Variants in GAK observed in about 807,000 individuals in gnomAD.
GAK encodes cyclin G associated kinase, also known as cyclin-G-associated kinase.
A neutral mutation model predicts 143.9 loss-of-function variants in GAK; 79 were observed. The observed-to-expected ratio is 0.55, with a 90% CI of 0.46 to 0.66. The LOEUF (loss-of-function observed/expected upper bound fraction) is 0.66. GAK is among the 30% of genes least tolerant of loss of function. The pLI is 0.00. For synonymous variants in GAK, 881 were observed against 765.5 expected, an observed-to-expected ratio of 1.15 and a Z score of -2.49; for missense variants, 1,693 against 1,779.7, an observed-to-expected ratio of 0.95 and a Z score of 0.88.
At chr4:860,367 G>A (rs913195962) in intron 23 of GAK, among the ~76,000 whole-genome samples, 4 of 150,804 alleles carry the variant, frequency 2.7e-5, no homozygotes, top group Non-Finnish European at 5.9e-5. Flanking sequence ...AAAAACCGTG[G>A]TAGAGCTACT....
chr4:920,501 A>C (rs1723737908), intron 1 of GAK, among the ~76,000 whole-genome samples: 1 of 151,194 alleles, frequency 6.6e-6, no homozygotes, highest in Non-Finnish European at 1.5e-5. Context: ...GAATATTGCG[A>C]CATTATTCTA....
intron 11 of GAK, among the ~76,000 whole-genome samples, chr4:885,066 G>C (rs1473619687): frequency 6.6e-6 from 1 of 151,956 alleles, no homozygotes; most frequent in African/African-American, 2.4e-5. Flanking sequence ...CACCGAGCAG[G>C]TGCTGACTCA....
At chr4:889,111 T>G in intron 10 of GAK, 141 bp from the exon 11 acceptor site, 1 of 1,109,672 alleles carries the variant, frequency 9.0e-7, no homozygotes, top group African/African-American at 1.6e-5. Context: ...TGCAGGTTGC[T>G]GGCTGGGCCC....
intron 23 of GAK, among the ~76,000 whole-genome samples, chr4:863,728 G>T (rs575990319): frequency 1.3e-5 from 2 of 152,196 alleles, no homozygotes; most frequent in Non-Finnish European, 2.9e-5. Flanking sequence ...GCTATTGCAC[G>T]CTTAACAGAC....
intron 24 of GAK, among the ~76,000 whole-genome samples, chr4:857,230 G>A (rs538484301): frequency 3.4e-4 from 52 of 152,158 alleles, no homozygotes; most frequent in Non-Finnish European, 6.5e-4. Flanking sequence ...CTGAAGTTTG[G>A]TTGAGGATCT....
intron 25 of GAK, chr4:851,384 CA>C: frequency 2.1e-6 from 1 of 465,630 alleles, no homozygotes; most frequent in Non-Finnish European, 3.9e-6. Context: ...GCGTGAGCCA[CA>C]AAGCCCAGTT....
In GAK at chr4:856,849, T is replaced by A. The variant is rs902541353; in HGVS notation, c.3283+2757A>T. 3.3e-5 allele frequency among the ~76,000 whole-genome samples: 5 copies of A among 152,238 alleles called. No homozygotes were observed. In the East Asian group the frequency reaches 7.7e-4, roughly 23 times the overall value. ...CGTTGGCCTCCCAGAGCACTGGGGT[T>A]ACGGTGTGAGCCACTCCGCCTGGCC... On this transcript the variant is annotated intron_variant, in intron 24 of 27. Transcript: ENST00000314167.
At chr4:850,797 G>A (rs566842422) in intron 26 of GAK, 139 bp downstream of exon 26, 37 of 930,694 alleles carry the variant, frequency 4.0e-5, no homozygotes, top group South Asian at 3.9e-4. Context: ...TGGAGACGCC[G>A]GCTCCATGTG....
intron 18 of GAK, among the ~76,000 whole-genome samples, chr4:874,857 G>T (rs1713510636): frequency 6.6e-6 from 1 of 152,108 alleles, no homozygotes; most frequent in Non-Finnish European, 1.5e-5. Flanking sequence ...TCTCTCTCGT[G>T]ACCCTCTCTG....
At chr4:919,304 G>C (rs1723560302) in intron 1 of GAK, among the ~76,000 whole-genome samples, 1 of 148,346 alleles carries the variant, frequency 6.7e-6, no homozygotes, top group East Asian at 2.0e-4. Context: ...AAGACAGAAG[G>C]CTCCAAAGGC....
At chr4:862,024 TGCA>T (rs1442973851) in intron 23 of GAK, among the ~76,000 whole-genome samples, 2 of 152,242 alleles carry the variant, frequency 1.3e-5, no homozygotes, top group African/African-American at 4.8e-5. Context: ...ACGGGGAAGC[TGCA>T]GTAAGTCATC....
chr4:858,224 C>T (rs972070643), intron 24 of GAK, among the ~76,000 whole-genome samples: 4 of 152,194 alleles, frequency 2.6e-5, no homozygotes, highest in African/African-American at 4.8e-5. Flanking sequence ...ACAGCTGCTC[C>T]GTCATGTGTC....
At chr4:921,664 C>T (rs1560442236) in intron 1 of GAK, among the ~76,000 whole-genome samples, 2 of 150,564 alleles carry the variant, frequency 1.3e-5, no homozygotes, top group East Asian at 1.9e-4. Flanking sequence ...AACTTTGGAT[C>T]TGCAACAGAC....
chr4:913,115 C>T (rs6842808), intron 2 of GAK, among the ~76,000 whole-genome samples: 15,961 of 152,064 alleles, frequency 0.1, 963 homozygotes, highest in South Asian at 0.19. Flanking sequence ...GTGCAGACCA[C>T]GACAACAGGC....
intron 3 of GAK, chr4:912,179 G>A (rs1243393754): frequency 2.2e-6 from 1 of 457,416 alleles, no homozygotes; most frequent in Non-Finnish European, 4.4e-6. Context: ...ACAGAGCTAG[G>A]AGAGGAAAGA....
chr4:859,656 T>G lies in GAK; in HGVS notation c.3233A>C (p.Gln1078Pro), dbSNP rs143488954. ...CGSQASWTKS[Q>P]NPDPFADLGD... ...AAGGTCAGCAAATGGGTCCGGGTTC[T>G]GAGACTTGGTCCAGCTGGCCTGAGA... The change falls in exon 24 of 28, where the codon CAG becomes CCG. Residue 1078 changes from glutamine to proline, a missense_variant. This residue lies in a region of GAK where 822 missense variants were observed against 788.7 expected (regional missense o/e 1.04). Coordinates refer to ENST00000314167, the MANE Select transcript of GAK (RefSeq NM_005255.4). The G allele has an allele frequency of 3.2e-4, 521 of 1,604,220 alleles. 1 individual carries two copies. Among genetic ancestry groups the G allele is most frequent in the Non-Finnish European group, 4.2e-4 (488 of 1,171,822 alleles).
intron 1 of GAK, among the ~76,000 whole-genome samples, chr4:929,878 A>G (rs1231456622): frequency 6.6e-6 from 1 of 152,238 alleles, no homozygotes; most frequent in African/African-American, 2.4e-5. Flanking sequence ...ATAAAACCTG[A>G]CATGAACTGA....
chr4:908,985 C>G (rs1721558319), intron 4 of GAK, among the ~76,000 whole-genome samples: 1 of 151,986 alleles, frequency 6.6e-6, no homozygotes, highest in South Asian at 2.1e-4. Context: ...GATTACAGGC[C>G]CCCACTACCA....
chr4:855,571 G>A (rs1227265358), intron 24 of GAK, among the ~76,000 whole-genome samples: 1 of 152,200 alleles, frequency 6.6e-6, no homozygotes, highest in Non-Finnish European at 1.5e-5. Flanking sequence ...GTGTAACTTT[G>A]ATCTCCTTTT....
Sources: allele counts gnomAD v4.1 joint callset (sites outside exome capture counted in the v4.1 genomes callset), GRCh38; gene constraint gnomAD v4.1.1; regional missense constraint gnomAD v4.1.1; transcripts MANE v1.5; gene names NCBI Gene and HGNC (gene_info 2026-07-23, HGNC 2026-07-21).